The following CDH12 variants were observed in gnomAD, a reference collection of about 807,000 sequenced individuals.
CDH12 encodes the protein cadherin 12.
A neutral mutation model predicts 74.1 loss-of-function variants in CDH12; 41 were observed. The ratio of observed to expected loss-of-function variants is 0.55; its 90% CI spans 0.43 to 0.72. CDH12 has a LOEUF of 0.72. Among genes scored for constraint, CDH12 ranks in the 30% least tolerant of loss-of-function variants. The probability of loss-of-function intolerance (pLI) is 0.00; values close to 1 mark genes in which losing one functional copy is unlikely to be tolerated. For synonymous variants in CDH12, 399 were observed against 355.0 expected, an observed-to-expected ratio of 1.12 and a Z score of -1.39; for missense variants, 945 against 977.2, an observed-to-expected ratio of 0.97 and a Z score of 0.44.
chr5:21,999,673 A>C (rs11750536), intron 5 of CDH12, among the ~76,000 whole-genome samples: 52,863 of 151,080 alleles, frequency 0.35, 11,418 homozygotes, highest in Non-Finnish European at 0.47. Flanking sequence ...CTGCAATGGG[A>C]TTTTCCAGTC....
intron 2 of CDH12, among the ~76,000 whole-genome samples, chr5:22,488,850 T>C (rs188199308): frequency 1.1e-3 from 174 of 152,118 alleles, no homozygotes; most frequent in African/African-American, 4.0e-3. Flanking sequence ...TGGCCAATAC[T>C]GGTACTTCCC....
chr5:22,773,832 AG>A (rs760617281), intron 1 of CDH12, among the ~76,000 whole-genome samples: 5 of 152,104 alleles, frequency 3.3e-5, no homozygotes, highest in Non-Finnish European at 4.4e-5. Flanking sequence ...AATGAGAAAA[AG>A]ACATGGACAC....
intron 1 of CDH12, among the ~76,000 whole-genome samples, chr5:22,782,841 C>G (rs1259067861): frequency 6.6e-6 from 1 of 152,164 alleles, no homozygotes; most frequent in Non-Finnish European, 1.5e-5. Context: ...GGGCATATGT[C>G]AAGTCTTCAC....
At chr5:22,149,065 C>T (rs1325313040) in intron 4 of CDH12, among the ~76,000 whole-genome samples, 2 of 152,124 alleles carry the variant, frequency 1.3e-5, no homozygotes, top group African/African-American at 4.8e-5. Context: ...TTGCAGTGAG[C>T]CAAGATCGTG....
At chr5:21,989,030 C>A (rs188489143) in intron 5 of CDH12, among the ~76,000 whole-genome samples, 1 of 151,732 alleles carries the variant, frequency 6.6e-6, no homozygotes, top group African/African-American at 2.4e-5. Flanking sequence ...GACGTTATAG[C>A]CATTTTAATG....
chr5:22,188,014 AG>A (rs1470913144), intron 4 of CDH12, among the ~76,000 whole-genome samples: 1 of 151,674 alleles, frequency 6.6e-6, no homozygotes, highest in Non-Finnish European at 1.5e-5. Flanking sequence ...GCCCTATAGC[AG>A]GAAGGGCAGT....
chr5:21,751,941 A>G lies in CDH12; in HGVS notation c.2181T>C (p.Asp727=), dbSNP rs6451992. Residue 727 remains aspartate, a synonymous_variant, in exon 15 of 15, where the codon GAT becomes GAC. Coordinates refer to ENST00000382254, the MANE Select transcript of CDH12 (RefSeq NM_004061.5). ...IHQRLQENDV[D]PTAPPYDSLA... is the part of the protein sequence containing the mutation. ...GTGAATCGTATGGTGGGGCAGTTGG[A>G]TCCACATCATTTTCCTGTAGCCTTT... 0.7 allele frequency: 1,129,183 copies of G among 1,612,744 alleles called. 401,363 individuals are homozygous for G. The highest frequency in any genetic ancestry group is 0.73 in the Non-Finnish European group (865,328 of 1,179,386).
intron 1 of CDH12, among the ~76,000 whole-genome samples, chr5:22,623,480 A>C (rs560804318): frequency 6.6e-6 from 1 of 152,330 alleles, no homozygotes; most frequent in African/African-American, 2.4e-5. Flanking sequence ...AGGATAGAAA[A>C]TCAATGTGCA....
chr5:21,858,458 T>C (rs1288242053), intron 6 of CDH12, among the ~76,000 whole-genome samples: 3 of 151,956 alleles, frequency 2.0e-5, no homozygotes, highest in Non-Finnish European at 2.9e-5. Context: ...GTTTCACTTT[T>C]TAGATTCAAT....
intron 3 of CDH12, among the ~76,000 whole-genome samples, chr5:22,268,937 G>C (rs1302553299): frequency 6.6e-6 from 1 of 152,062 alleles, no homozygotes; most frequent in Non-Finnish European, 1.5e-5. Flanking sequence ...GTATTAGAAA[G>C]ATTGGTTAAT....
intron 1 of CDH12, among the ~76,000 whole-genome samples, chr5:22,811,052 C>CACATATATACGTATATGTATACAT (rs1419744108): frequency 1.3e-5 from 2 of 151,146 alleles, no homozygotes; most frequent in Admixed American, 6.6e-5. Flanking sequence ...TACATACATA[C>CACATATATACGTATATGTATACAT]ACATATATAC....
At chr5:22,447,038 T>A (rs1024504875) in intron 2 of CDH12, among the ~76,000 whole-genome samples, 1 of 152,102 alleles carries the variant, frequency 6.6e-6, no homozygotes, top group African/African-American at 2.4e-5. Context: ...TGCATTAGCA[T>A]ACTAAGTATA....
intron 2 of CDH12, among the ~76,000 whole-genome samples, chr5:22,430,188 T>G (rs1218194846): frequency 6.6e-6 from 1 of 152,200 alleles, no homozygotes; most frequent in Non-Finnish European, 1.5e-5. Context: ...TGACTTAGTG[T>G]ACTCTTTGCA....
intron 11 of CDH12, among the ~76,000 whole-genome samples, chr5:21,778,915 A>G (rs1169661615): frequency 6.6e-6 from 1 of 152,202 alleles, no homozygotes; most frequent in Non-Finnish European, 1.5e-5. Context: ...TTAAAAAGTT[A>G]CAACATAAAA....
At chr5:22,781,415 G>C (rs980549000) in intron 1 of CDH12, among the ~76,000 whole-genome samples, 1 of 152,106 alleles carries the variant, frequency 6.6e-6, no homozygotes, top group East Asian at 1.9e-4. Flanking sequence ...GGCTTTTGCC[G>C]ATGCCCCTTT....
chr5:22,685,098 T>C (rs73742174), intron 1 of CDH12, among the ~76,000 whole-genome samples: 6,528 of 152,284 alleles, frequency 0.043, 472 homozygotes, highest in African/African-American at 0.15. Flanking sequence ...CCATCAGTTT[T>C]TGTTTTTAGT....
chr5:22,382,023 C>T (rs969197671), intron 3 of CDH12, among the ~76,000 whole-genome samples: 2 of 147,062 alleles, frequency 1.4e-5, no homozygotes, highest in Non-Finnish European at 3.0e-5. Context: ...TTGCTTTGGC[C>T]GGAGTTCAGG....
intron 4 of CDH12, among the ~76,000 whole-genome samples, chr5:22,198,471 A>G (rs567670454): frequency 1.3e-5 from 2 of 152,240 alleles, no homozygotes; most frequent in South Asian, 2.1e-4. Flanking sequence ...AGGAATCGTA[A>G]CAAATGCCTA....
rs1415191239 is a variant in CDH12 at position 22,610,411 on chromosome 5, A to G, written c.-522-105047T>C. The stretch of plus-strand genomic sequence containing the variant: ...TGCATATAAATAAAATATTCAATTA[A>G]CATGCAAAAATAAAACCGATCTAGT... On this transcript the variant is annotated intron_variant, in intron 1 of 14. Transcript: ENST00000382254. 2.6e-5 allele frequency among the ~76,000 whole-genome samples: 4 copies of G among 152,176 alleles called. No homozygotes were observed. The East Asian group carries it at 7.7e-4, about 29-fold the overall frequency.
Sources: gnomAD v4.1 joint callset for allele counts (sites outside exome capture counted in the v4.1 genomes callset) on GRCh38, gnomAD v4.1.1 for gene constraint, MANE v1.5 for transcripts, NCBI Gene and HGNC (gene_info 2026-07-23, HGNC 2026-07-21) for gene names.